The following IQSEC1 variants were observed in gnomAD, a reference collection of about 807,000 sequenced individuals.
IQSEC1 encodes the protein IQ motif and SEC7 domain-containing protein 1.
In IQSEC1, 31 loss-of-function variants were observed where a neutral mutation model predicts 91.0. That is an observed-to-expected ratio of 0.34 (90% CI 0.26 to 0.46). IQSEC1 has a LOEUF of 0.46. Among genes scored for constraint, IQSEC1 ranks in the 20% least tolerant of loss-of-function variants. The pLI, the probability that IQSEC1 is intolerant of heterozygous loss-of-function variation, is 1.00. For synonymous variants in IQSEC1, 699 were observed against 662.6 expected, an observed-to-expected ratio of 1.05 and a Z score of -0.84; for missense variants, 1,388 against 1,575.6, an observed-to-expected ratio of 0.88 and a Z score of 2.02.
At chr3:13,123,471 T>A (rs988594833) in intron 2 of IQSEC1, among the ~76,000 whole-genome samples, 3 of 151,950 alleles carry the variant, frequency 2.0e-5, no homozygotes, top group Non-Finnish European at 2.9e-5. Flanking sequence ...GACTGGGAGG[T>A]CTTACATGTG....
chr3:13,281,244 G>C (rs560978166), intron 1 of IQSEC1, among the ~76,000 whole-genome samples: 1 of 152,300 alleles, frequency 6.6e-6, no homozygotes, highest in South Asian at 2.1e-4. Context: ...GGGCCCCTGT[G>C]AGACCAGCTC....
chr3:13,022,557 G>T, intron 1 of IQSEC1: 1 of 731,062 alleles, frequency 1.4e-6, no homozygotes, highest in Non-Finnish European at 1.7e-6. Flanking sequence ...GCGTCCAGAG[G>T]CTGGCCTGGG....
At chr3:12,957,609 G>C (rs1699992906) in intron 1 of IQSEC1, among the ~76,000 whole-genome samples, 1 of 152,222 alleles carries the variant, frequency 6.6e-6, no homozygotes, top group African/African-American at 2.4e-5. Context: ...AGGCTGGGGA[G>C]GCTGGCTCTG....
chr3:13,031,292 G>C lies in IQSEC1; in HGVS notation c.23+41700C>G, dbSNP rs933498995. Among the ~76,000 whole-genome samples the C allele has an allele frequency of 7.9e-5, 12 of 152,372 alleles. No homozygotes were observed. In the East Asian group the frequency reaches 2.3e-3, roughly 29 times the overall value. ...CTCTATCAGGGAATGGTGGTGACAA[G>C]CCTGGGGGCAGGGACAGGTCCACCC... is the stretch of plus-strand genomic sequence containing the variant. On this transcript the variant is annotated intron_variant, in intron 1 of 13. Coordinates refer to ENST00000613206, the MANE Select transcript of IQSEC1 (RefSeq NM_001134382.3).
intron 1 of IQSEC1, among the ~76,000 whole-genome samples, chr3:13,231,153 C>T (rs1474465187): frequency 6.6e-6 from 1 of 152,182 alleles, no homozygotes; most frequent in Non-Finnish European, 1.5e-5. Context: ...AAAGTAGATC[C>T]TGTTTGGACA....
At chr3:13,047,650 G>A in intron 1 of IQSEC1, 1 of 232,750 alleles carries the variant, frequency 4.3e-6, no homozygotes, top group Non-Finnish European at 7.0e-6. Flanking sequence ...GAGCAGCCCT[G>A]GGAAGAGCGT....
At chr3:13,109,105 G>C (rs1334445288) in intron 2 of IQSEC1, among the ~76,000 whole-genome samples, 1 of 152,202 alleles carries the variant, frequency 6.6e-6, no homozygotes, top group African/African-American at 2.4e-5. Context: ...AGCGTGGGCA[G>C]AATGACTCTC....
intron 1 of IQSEC1, among the ~76,000 whole-genome samples, chr3:13,205,262 A>T (rs1694323638): frequency 6.6e-6 from 1 of 152,018 alleles, no homozygotes; most frequent in Non-Finnish European, 1.5e-5. Flanking sequence ...CCCCTAAACC[A>T]CAAGGAACCA....
At position 12,901,059 on chromosome 3, in the gene IQSEC1, T is replaced by TG; in HGVS notation, c.3268dup (p.His1090ProfsTer103). Reference sequence around the variant, plus strand: ...CGGCGGGGCAGGGGGCTGCCCATGGTGGTGCACTGTGTGCCCCACGTGGGC... The same window carrying TG: ...CGGCGGGGCAGGGGGCTGCCCATGGTGGGTGCACTGTGTGCCCCACGTGGGC... On this transcript the variant is annotated frameshift_variant, in exon 14 of 14. Coordinates refer to ENST00000613206, the MANE Select transcript of IQSEC1 (RefSeq NM_001134382.3). LOFTEE classifies it high-confidence loss of function. The TG allele has an allele frequency of 1.3e-6, 2 of 1,540,914 alleles. No individual in the cohort carries two copies. Among genetic ancestry groups the TG allele is most frequent in the Non-Finnish European group, 1.7e-6 (2 of 1,145,676 alleles).
intron 1 of IQSEC1, among the ~76,000 whole-genome samples, chr3:13,165,588 G>A (rs1693480452): frequency 6.9e-6 from 1 of 144,166 alleles, no homozygotes; most frequent in South Asian, 2.3e-4. Context: ...GTGTCTGTCT[G>A]TCTTCACTTC....
chr3:13,109,791 CTTT>C (rs71991259), intron 2 of IQSEC1, among the ~76,000 whole-genome samples: 19 of 146,396 alleles, frequency 1.3e-4, no homozygotes, highest in African/African-American at 2.3e-4. Context: ...CTGATTAAAC[CTTT>C]TTTTTTTTTT....
chr3:12,961,531 T>C (rs902196524), intron 1 of IQSEC1, among the ~76,000 whole-genome samples: 1 of 152,210 alleles, frequency 6.6e-6, no homozygotes, highest in Admixed American at 6.5e-5. Flanking sequence ...CTGCCATCTG[T>C]CATACCACCA....
At chr3:13,062,333 C>A (rs1210105352) in intron 1 of IQSEC1, among the ~76,000 whole-genome samples, 1 of 152,122 alleles carries the variant, frequency 6.6e-6, no homozygotes, top group East Asian at 1.9e-4. Flanking sequence ...ACAGAGATAC[C>A]ACAGGCCTTA....
At chr3:12,938,714 G>A (rs1203227743) in intron 2 of IQSEC1, among the ~76,000 whole-genome samples, 18 of 152,222 alleles carry the variant, frequency 1.2e-4, no homozygotes, top group East Asian at 5.8e-4. Flanking sequence ...GCACAAGTAC[G>A]AGGACCTCCA....
chr3:12,963,347 G>T (rs1353238639), intron 1 of IQSEC1, among the ~76,000 whole-genome samples: 1 of 152,216 alleles, frequency 6.6e-6, no homozygotes, highest in Non-Finnish European at 1.5e-5. Flanking sequence ...AGGCAAAAAA[G>T]AAATTCAAGT....
rs555243699 is a variant in IQSEC1, at chr3:13,178,333, C to A, written c.273-14200G>T. Reference sequence around the variant, plus strand: ...ATCAGCAAATGAGCAAATAAAGAGGCAATTTCAGACACTGGGAAGTGCTAG... The same window carrying A: ...ATCAGCAAATGAGCAAATAAAGAGGAAATTTCAGACACTGGGAAGTGCTAG... On this transcript the variant is annotated intron_variant, in intron 1 of 15. Coordinates refer to the IQSEC1 transcript ENST00000648114. Among the ~76,000 whole-genome samples the A allele has an allele frequency of 3.9e-5, 6 of 152,290 alleles. No individual in the cohort carries two copies. The South Asian group carries it at 1.2e-3, about 32-fold the overall frequency.
chr3:13,045,480 C>G (rs1005535356), intron 1 of IQSEC1, among the ~76,000 whole-genome samples: 3 of 152,186 alleles, frequency 2.0e-5, no homozygotes, highest in Admixed American at 6.5e-5. Flanking sequence ...GGCCTCCGCT[C>G]TGATCCCTGC....
rs79129635 is a variant in IQSEC1, at chr3:13,259,899, T to C, written c.272+22812A>G. Among the ~76,000 whole-genome samples, 2,443 of 152,388 alleles carry C rather than the reference T, an allele frequency of 0.016. 53 individuals carry two copies. The highest frequency in any genetic ancestry group is 0.054 in the African/African-American group (2,249 of 41,586). ...ACAGTTATTAATGACTTTATTTATATACCAATATTTAGTTCTGCTTGCAAT... is the reference window on the plus strand; with the variant it reads ...ACAGTTATTAATGACTTTATTTATACACCAATATTTAGTTCTGCTTGCAAT... On this transcript the variant is annotated intron_variant, in intron 1 of 15. Transcript: ENST00000648114. This position sits in a 1 kb window ranked among gnomAD's most constrained non-coding sequence, Gnocchi z 4.6.
chr3:13,183,170 T>TAAAC (rs1161577059), intron 1 of IQSEC1, among the ~76,000 whole-genome samples: 49 of 132,712 alleles, frequency 3.7e-4, no homozygotes, highest in East Asian at 2.0e-3. Flanking sequence ...TCCCCACCAA[T>TAAAC]AAATAAACAA....
Sources: gnomAD v4.1 joint callset for allele counts (sites outside exome capture counted in the v4.1 genomes callset) on GRCh38, gnomAD v4.1.1 for gene constraint, Gnocchi (gnomAD v3.1) non-coding constraint, MANE v1.5 for transcripts, NCBI Gene and HGNC (gene_info 2026-07-23, HGNC 2026-07-21) for gene names.